VWA8: variants seen among roughly 807,000 people sequenced by gnomAD.
VWA8 encodes the protein von Willebrand factor A domain containing 8.
In VWA8, 221 loss-of-function variants were observed where a neutral mutation model predicts 241.5. That is an observed-to-expected ratio of 0.91 (90% CI 0.82 to 1.02). The LOEUF (loss-of-function observed/expected upper bound fraction) is 1.02, where lower values mean the gene tolerates loss of function less well. VWA8 is among the 50% of genes least tolerant of loss of function. VWA8 has a pLI of 0.00. For missense variants in VWA8, 2,322 were observed against 2,328.7 expected (o/e 1.00, Z 0.06); for synonymous variants, 852 against 827.1 (o/e 1.03, Z -0.52).
chr13:41,823,479 C>CA (rs555903261), intron 14 of VWA8, among the ~76,000 whole-genome samples: 3 of 152,136 alleles, frequency 2.0e-5, no homozygotes, highest in African/African-American at 7.2e-5. Context: ...CAGAAACTCT[C>CA]AACTCCCTCA....
intron 2 of VWA8, among the ~76,000 whole-genome samples, chr13:41,941,683 T>C (rs1269262453): frequency 6.6e-6 from 1 of 152,170 alleles, no homozygotes; most frequent in African/African-American, 2.4e-5. Context: ...AGGCACAGAA[T>C]AATGGAAAAC....
intron 12 of VWA8, among the ~76,000 whole-genome samples, chr13:41,853,060 T>C (rs1203155327): frequency 6.6e-6 from 1 of 152,162 alleles, no homozygotes; most frequent in African/African-American, 2.4e-5. Flanking sequence ...GTTTTCTATA[T>C]ATAAGATCAT....
Position 41,701,544 on chromosome 13 carries a change from G to A in VWA8, c.3226-14C>T. On this transcript the variant is annotated splice_polypyrimidine_tract_variant and intron_variant, in intron 27 of 44. Transcript: ENST00000379310. ...AAGTGCTGGACCCTATAATAAAGCA[G>A]TTATCTCAGTTAAGATATTTTGGTT... 6.6e-7 allele frequency: 1 copy of A among 1,525,126 alleles called. No homozygotes were observed. Among genetic ancestry groups the A allele is most frequent in the Non-Finnish European group, 8.8e-7 (1 of 1,140,584 alleles). The allele number at this position is 1,525,126 out of a possible 1,614,324, so 94.5% of individuals were successfully genotyped here. A position where few individuals can be genotyped will look rare whatever the true frequency, so the allele number is the denominator to read the frequency against.
At chr13:41,645,225 T>A (rs1439398740) in intron 37 of VWA8, among the ~76,000 whole-genome samples, 2 of 152,240 alleles carry the variant, frequency 1.3e-5, no homozygotes, top group Non-Finnish European at 2.9e-5. Context: ...TTATCTATCA[T>A]TACTATTATT....
At chr13:41,743,436 G>A (rs1403021301) in intron 21 of VWA8, among the ~76,000 whole-genome samples, 3 of 152,136 alleles carry the variant, frequency 2.0e-5, no homozygotes, top group African/African-American at 4.8e-5. Flanking sequence ...ACTGTCACTT[G>A]ACCAAATTCT....
At chr13:41,569,254 A>T (rs2139628549) in intron 44 of VWA8, among the ~76,000 whole-genome samples, 1 of 152,348 alleles carries the variant, frequency 6.6e-6, no homozygotes, top group South Asian at 2.1e-4. Flanking sequence ...TTAAGTATTC[A>T]AACAGGATCT....
chr13:41,656,171 T>C (rs2044903705), intron 37 of VWA8, among the ~76,000 whole-genome samples: 1 of 152,240 alleles, frequency 6.6e-6, no homozygotes, highest in South Asian at 2.1e-4. Flanking sequence ...TTCTGAGTAA[T>C]GACTTATATG....
At chr13:41,590,576 A>C in intron 41 of VWA8, 64 bp downstream of exon 41, 2 of 1,501,020 alleles carry the variant, frequency 1.3e-6, no homozygotes, top group Non-Finnish European at 1.8e-6. Context: ...AACTCACGAA[A>C]GCAAGTTTCT....
intron 1 of VWA8, among the ~76,000 whole-genome samples, chr13:41,959,657 G>A (rs1878519461): frequency 7.7e-6 from 1 of 129,298 alleles, no homozygotes; most frequent in South Asian, 2.7e-4. Context: ...GCCCAGGCCG[G>A]AGTGCAGTGG....
intron 4 of VWA8, among the ~76,000 whole-genome samples, chr13:41,902,812 T>C (rs561298096): frequency 6.6e-6 from 1 of 152,314 alleles, no homozygotes; most frequent in South Asian, 2.1e-4. Flanking sequence ...TTAATGGCCA[T>C]GACCAACAAC....
In VWA8 at chr13:41,662,913, C is replaced by T. The variant is rs181275692; in HGVS notation, c.4611+8033G>A. Reference sequence around the variant, plus strand: ...GGGTTGAGAAAATTTCCTTCTATTCCTAGTTTCCTGAGAGTACCACTTCAA... The same window carrying T: ...GGGTTGAGAAAATTTCCTTCTATTCTTAGTTTCCTGAGAGTACCACTTCAA... On this transcript the variant is annotated intron_variant, in intron 37 of 44. Transcript: ENST00000379310. 2.0e-4 allele frequency among the ~76,000 whole-genome samples: 31 copies of T among 151,966 alleles called. No homozygotes were observed. In the East Asian group the frequency reaches 3.9e-3, roughly 19 times the overall value.
intron 12 of VWA8, among the ~76,000 whole-genome samples, chr13:41,861,551 T>C (rs7990855): frequency 0.14 from 21,465 of 152,080 alleles, 1,630 homozygotes; most frequent in East Asian, 0.18. Flanking sequence ...AAAAACCCTA[T>C]AGACTCCACC....
intron 9 of VWA8, among the ~76,000 whole-genome samples, chr13:41,882,138 G>A (rs1874254323): frequency 6.6e-6 from 1 of 151,252 alleles, no homozygotes; most frequent in Non-Finnish European, 1.5e-5. Context: ...GTCGCGGCCG[G>A]GTGGAGGTGC....
intron 26 of VWA8, among the ~76,000 whole-genome samples, chr13:41,706,926 A>G (rs190319235): frequency 1.3e-5 from 2 of 152,370 alleles, no homozygotes; most frequent in Admixed American, 1.3e-4. Flanking sequence ...GCCCATAAAT[A>G]GCACTACTTT....
chr13:41,656,883 C>T (rs928198972), intron 37 of VWA8, among the ~76,000 whole-genome samples: 5 of 152,176 alleles, frequency 3.3e-5, no homozygotes, highest in East Asian at 1.9e-4. Flanking sequence ...CATGGTCATG[C>T]GTGTTGTTCA....
At chr13:41,869,588 G>A (rs530640551) in intron 9 of VWA8, among the ~76,000 whole-genome samples, 8 of 129,558 alleles carry the variant, frequency 6.2e-5, no homozygotes, top group African/African-American at 2.3e-4. Context: ...CTGAGATTGT[G>A]CCACTGCACT....
At chr13:41,759,606 T>C (rs2045725298) in intron 21 of VWA8, among the ~76,000 whole-genome samples, 1 of 151,796 alleles carries the variant, frequency 6.6e-6, no homozygotes. Context: ...AATTTCCAAT[T>C]ATTCCGTCAT....
At chr13:41,669,510 C>G (rs999044786) in intron 37 of VWA8, among the ~76,000 whole-genome samples, 2 of 152,144 alleles carry the variant, frequency 1.3e-5, no homozygotes, top group Non-Finnish European at 2.9e-5. Context: ...AGAGAAGTAA[C>G]TGGAAGAGAA....
chr13:41,833,393 C>T lies in VWA8; in HGVS notation c.1564G>A (p.Gly522Ser), dbSNP rs1347356087. The change falls in exon 13 of 45, where the codon GGC becomes AGC. Residue 522 changes from glycine to serine, a missense_variant. Gly to Ser is a moderately conservative substitution (Grantham distance 56, BLOSUM62 0). Transcript: ENST00000379310. ...CACCTTTGCAATACAGCAAGCGTGCCCGCATTCACCCGGTGAATGCCATCC... is the reference window on the plus strand; with the variant it reads ...CACCTTTGCAATACAGCAAGCGTGCTCGCATTCACCCGGTGAATGCCATCC... ...LLDGIHRVNA[G>S]TLAVLQRLIH... The T allele has an allele frequency of 1.2e-6, 2 of 1,611,998 alleles. No individual in the cohort carries two copies. The highest frequency in any genetic ancestry group is 1.1e-5 in the South Asian group (1 of 90,774).
Sources: allele counts gnomAD v4.1 joint callset (sites outside exome capture counted in the v4.1 genomes callset), GRCh38; gene constraint gnomAD v4.1.1; transcripts MANE v1.5; gene names NCBI Gene and HGNC (gene_info 2026-07-23, HGNC 2026-07-21).